Variants in ADD1 observed in about 807,000 individuals in gnomAD.
ADD1 encodes adducin 1, also known as alpha-adducin.
Under a neutral mutation model 80.5 loss-of-function variants are expected in ADD1, and 24 were observed. The ratio of observed to expected loss-of-function variants is 0.30; its 90% confidence interval spans 0.22 to 0.42. The LOEUF is 0.42. Among genes scored for constraint, ADD1 ranks in the 10% least tolerant of loss-of-function variants. The pLI is 1.00. For missense variants in ADD1, 948 were observed against 1,019.0 expected (o/e 0.93, Z 0.95); for synonymous variants, 373 against 393.8 (o/e 0.95, Z 0.63).
intron 2 of ADD1, among the ~76,000 whole-genome samples, chr4:2,877,081 C>A (rs917403032): frequency 1.3e-5 from 2 of 151,738 alleles, no homozygotes; most frequent in Non-Finnish European, 2.9e-5. Flanking sequence ...TGATTGATAC[C>A]TTTAGTTAGA....
At chr4:2,873,917 G>A (rs1184033825) in intron 1 of ADD1, among the ~76,000 whole-genome samples, 2 of 152,212 alleles carry the variant, frequency 1.3e-5, no homozygotes, top group Non-Finnish European at 1.5e-5. Flanking sequence ...AGAAGAATAA[G>A]TTTCAGAGAT....
chr4:2,915,822 T>C (rs1223825177), intron 14 of ADD1, among the ~76,000 whole-genome samples: 13 of 151,820 alleles, frequency 8.6e-5, no homozygotes, highest in Admixed American at 7.9e-4. Context: ...AAAAAGAAAT[T>C]GCAAAGTTAG....
At chr4:2,911,584 G>T (rs1415698610) in intron 13 of ADD1, among the ~76,000 whole-genome samples, 2 of 151,648 alleles carry the variant, frequency 1.3e-5, no homozygotes. Flanking sequence ...CTCCTGAGTA[G>T]CTGGGACTAC....
intron 4 of ADD1, among the ~76,000 whole-genome samples, chr4:2,885,052 A>C (rs912701303): frequency 1.3e-5 from 2 of 152,138 alleles, no homozygotes; most frequent in Non-Finnish European, 2.9e-5. Flanking sequence ...ATTTTTCAAC[A>C]TTATTAGGAT....
Position 2,926,226 on chromosome 4 carries a change from C to A in ADD1, c.2047+114C>A. On this transcript the variant is annotated intron_variant, in intron 15 of 15. Coordinates refer to ENST00000683351, the MANE Select transcript of ADD1 (RefSeq NM_001354761.2). This position sits in a 1 kb window ranked among gnomAD's most constrained non-coding sequence, Gnocchi z 5.0. The stretch of plus-strand genomic sequence containing the variant: ...GCAACACGGAAGTGTGTGCTTGCAT[C>A]AGCGCCAGGACGTGACACCTTTCTC... 1.1e-6 allele frequency: 1 copy of A among 941,904 alleles called. No homozygotes were observed. Among genetic ancestry groups the A allele is most frequent in the Non-Finnish European group, 1.7e-6 (1 of 585,350 alleles). The allele number at this position is 941,904 out of a possible 1,614,324, so 58.3% of individuals were successfully genotyped here. A position where few individuals can be genotyped will look rare whatever the true frequency, so the allele number is the denominator to read the frequency against.
chr4:2,865,872 C>T (rs1331779503), intron 1 of ADD1, among the ~76,000 whole-genome samples: 1 of 151,964 alleles, frequency 6.6e-6, no homozygotes, highest in African/African-American at 2.4e-5. Context: ...AATGAGGGAG[C>T]AAAAATAGAG....
Position 2,894,012 on chromosome 4 carries a change from G to A in ADD1, c.511-1G>A. ...AGCTAATTCAGTCATTTTCCCCACA[G>A]ACCAGAGTGAACTCCGAGCAGGAAC... is the stretch of plus-strand genomic sequence containing the variant. On this transcript the variant is annotated splice_acceptor_variant, in intron 4 of 15. Coordinates refer to ENST00000683351, the MANE Select transcript of ADD1 (RefSeq NM_001354761.2). LOFTEE classifies it high-confidence loss of function. 1 of 1,613,882 alleles carries A rather than the reference G, an allele frequency of 6.2e-7. No individual in the cohort carries two copies. The highest frequency in any genetic ancestry group is 8.5e-7 in the Non-Finnish European group (1 of 1,179,770).
intron 1 of ADD1, among the ~76,000 whole-genome samples, chr4:2,868,360 C>T (rs1251526000): frequency 1.3e-5 from 2 of 152,178 alleles, no homozygotes; most frequent in East Asian, 3.8e-4. Flanking sequence ...GTCCATGTCT[C>T]TTGGTGCTGG....
In ADD1 at chr4:2,898,202, G is replaced by A. The variant is rs767731754; in HGVS notation, c.760G>A (p.Gly254Ser). Reference sequence around the variant, plus strand: ...TCTCTAGGTCTCTGCAATGAAATGTGGCCTCTTGCCAATCTCCCCGGAGGC... The same window carrying A: ...TCTCTAGGTCTCTGCAATGAAATGTAGCCTCTTGCCAATCTCCCCGGAGGC... ...AGAAVSAMKC[G>S]LLPISPEALS... is the part of the protein sequence containing the mutation. The change falls in exon 7 of 16, where the codon GGC becomes AGC. Residue 254 changes from glycine to serine, a missense_variant. Gly to Ser is a moderately conservative substitution (Grantham distance 56, BLOSUM62 0). Transcript: ENST00000683351. 6.2e-7 allele frequency: 1 copy of A among 1,613,606 alleles called. No individual in the cohort carries two copies. The highest frequency in any genetic ancestry group is 1.7e-5 in the Admixed American group (1 of 59,902).
chr4:2,894,848 T>TA (rs756538626), intron 6 of ADD1, 117 bp downstream of exon 6: 670 of 1,163,804 alleles, frequency 5.8e-4, no homozygotes, highest in South Asian at 8.7e-4. Context: ...TTGTTGAATA[T>TA]AAAAAAAAAG....
intron 10 of ADD1, 89 bp from the exon 11 acceptor site, chr4:2,907,654 A>G: frequency 9.0e-7 from 1 of 1,105,570 alleles, no homozygotes; most frequent in Non-Finnish European, 1.4e-6. Flanking sequence ...TCAGTGCATG[A>G]CCAGATGTGA....
chr4:2,898,835 TG>T, intron 8 of ADD1: 1 of 423,940 alleles, frequency 2.4e-6, no homozygotes, highest in Non-Finnish European at 4.4e-6. Flanking sequence ...ATCGCATATG[TG>T]ATGTCACGTG....
At chr4:2,881,392 T>C (rs1732308068) in intron 2 of ADD1, among the ~76,000 whole-genome samples, 1 of 152,216 alleles carries the variant, frequency 6.6e-6, no homozygotes, top group African/African-American at 2.4e-5. Context: ...GTATTTACTT[T>C]TAATCTTTTT....
At chr4:2,883,543 AT>A (rs1339421475) in intron 3 of ADD1, among the ~76,000 whole-genome samples, 1 of 151,692 alleles carries the variant, frequency 6.6e-6, no homozygotes, top group Admixed American at 6.6e-5. Flanking sequence ...TTGTGTATTT[AT>A]TTATTTAGAG....
At chr4:2,874,221 C>T (rs1264426137) in intron 1 of ADD1, among the ~76,000 whole-genome samples, 2 of 151,832 alleles carry the variant, frequency 1.3e-5, no homozygotes, top group Non-Finnish European at 2.9e-5. Flanking sequence ...GTCTCAAAAA[C>T]AAAGAGAAAA....
chr4:2,928,517 C>T lies in ADD1; in HGVS notation c.2394C>T (p.Asp798=). 6.2e-7 allele frequency: 1 copy of T among 1,612,524 alleles called. No individual in the cohort carries two copies. Among genetic ancestry groups the T allele is most frequent in the Non-Finnish European group, 8.5e-7 (1 of 1,179,658 alleles). ...TGAAGAAGAGCAAGAAGAAGAGTGA[C>T]TCCTGAAAGCCCTGCGCTAACACTG... is the stretch of plus-strand genomic sequence containing the variant. ...SFLKKSKKKS[D]S is the part of the protein sequence containing the mutation. The change falls in exon 16 of 16, where the codon GAC becomes GAT. Residue 798 remains aspartate (D), a synonymous_variant. Transcript: ENST00000683351.
At chr4:2,855,104 T>A (rs1727871033) in intron 1 of ADD1, 1 of 152,198 alleles carries the variant, frequency 6.6e-6, no homozygotes. Flanking sequence ...GGTGATTACA[T>A]TCAGGGCCCA....
intron 9 of ADD1, chr4:2,899,673 G>T: frequency 1.9e-6 from 1 of 533,306 alleles, no homozygotes; most frequent in Non-Finnish European, 3.4e-6. Context: ...TGGACTCAGT[G>T]GGGACAAGAG....
chr4:2,910,669 C>T (rs1306693736), intron 13 of ADD1, among the ~76,000 whole-genome samples: 2 of 152,166 alleles, frequency 1.3e-5, no homozygotes, highest in Non-Finnish European at 2.9e-5. Context: ...CAGCCTGGGT[C>T]GCCGTGTTCA....
Sources: allele counts gnomAD v4.1 joint callset (sites outside exome capture counted in the v4.1 genomes callset), GRCh38; gene constraint gnomAD v4.1.1; non-coding constraint Gnocchi (gnomAD v3.1); transcripts MANE v1.5; gene names NCBI Gene and HGNC (gene_info 2026-07-23, HGNC 2026-07-21).